DNAJC10: variants seen among roughly 807,000 people sequenced by gnomAD.
The protein encoded by DNAJC10 is DnaJ heat shock protein family (Hsp40) member C10, also known as endoplasmic reticulum disulfide reductase DNAJC10.
Under a neutral mutation model 115.0 loss-of-function variants are expected in DNAJC10, and 101 were observed. That is an observed-to-expected ratio of 0.88 (90% CI 0.75 to 1.04). The LOEUF (loss-of-function observed/expected upper bound fraction) is 1.04, where lower values mean the gene tolerates loss of function less well. Among genes scored for constraint, DNAJC10 ranks in the 50% least tolerant of loss-of-function variants. DNAJC10 has a pLI of 0.00. For missense variants in DNAJC10, 981 were observed against 928.8 expected (o/e 1.06, Z -0.73); for synonymous variants, 307 against 301.5 (o/e 1.02, Z -0.19).
chr2:182,782,086 ACATTT>A lies in DNAJC10; in HGVS notation c.*4955_*4959del, dbSNP rs1694860643. ...TAGGTTTTTTATGGTTTCAGACCTT[ACATTT>A]AAGTCTTTAATCTATCAACTTAATT... On this transcript the variant is annotated 3_prime_UTR_variant, in exon 24 of 24. Coordinates refer to ENST00000264065, the MANE Select transcript of DNAJC10 (RefSeq NM_018981.4). 6.6e-6 allele frequency: 1 copy of A among 152,198 alleles called. No individual in the cohort carries two copies. The highest frequency in any genetic ancestry group is 1.5e-5 in the Non-Finnish European group (1 of 68,046). The allele number at this position is 152,198 out of a possible 1,614,324, so 9.4% of individuals were successfully genotyped here.
chr2:182,716,636 C>G (rs1262440400), intron 1 of DNAJC10, among the ~76,000 whole-genome samples, 153 bp downstream of exon 1: 1 of 152,206 alleles, frequency 6.6e-6, no homozygotes, highest in Non-Finnish European at 1.5e-5. Flanking sequence ...CCTTCCTCCT[C>G]CCTGTTATTC....
intron 11 of DNAJC10, among the ~76,000 whole-genome samples, chr2:182,736,606 A>AT (rs1231262153): frequency 6.6e-6 from 1 of 152,318 alleles, no homozygotes; most frequent in East Asian, 1.9e-4. Context: ...ATTACATTTC[A>AT]TTTAAAGTCA....
intron 3 of DNAJC10, among the ~76,000 whole-genome samples, chr2:182,718,514 A>AT (rs1191681445): frequency 6.6e-6 from 1 of 152,194 alleles, no homozygotes; most frequent in African/African-American, 2.4e-5. Context: ...TTTGTAGACG[A>AT]TTTTCCAACA....
rs1338679785 is a variant in DNAJC10 at position 182,783,511 on chromosome 2, A to T, written c.*6379A>T. ...ACAATTTGTTGGCTTTAATGTATTTAGGAAAAATCATTTATTTACAAAACA... is the reference window on the plus strand; with the variant it reads ...ACAATTTGTTGGCTTTAATGTATTTTGGAAAAATCATTTATTTACAAAACA... On this transcript the variant is annotated 3_prime_UTR_variant, in exon 24 of 24. Transcript: ENST00000264065. 2 of 152,240 alleles carry T rather than the reference A, an allele frequency of 1.3e-5. No individual in the cohort carries two copies. Among genetic ancestry groups the T allele is most frequent in the Non-Finnish European group, 2.9e-5 (2 of 68,032 alleles). 9.4% of individuals were successfully genotyped at this position (152,240 alleles called of 1,614,324 possible).
chr2:182,758,907 T>C lies in DNAJC10; in HGVS notation c.1997+17T>C, dbSNP rs543737879. The C allele has an allele frequency of 2.0e-6, 3 of 1,533,678 alleles. No individual in the cohort carries two copies. The highest frequency in any genetic ancestry group is 2.7e-5 in the African/African-American group (2 of 73,150). On this transcript the variant is annotated intron_variant, in intron 20 of 23. Coordinates refer to ENST00000264065, the MANE Select transcript of DNAJC10 (RefSeq NM_018981.4). ...GGGTCTAGGGTGAGTAATTAAAATA[T>C]ATATCATTGTATAAAATAGATTCAA...
At position 182,790,381 on chromosome 2, in the gene DNAJC10, A is replaced by G. The variant is rs1695027191; in HGVS notation, c.*13249A>G. On this transcript the variant is annotated 3_prime_UTR_variant, in exon 24 of 24. Coordinates refer to ENST00000264065, the MANE Select transcript of DNAJC10 (RefSeq NM_018981.4). ...GAAACTTGAGAAAACTGCAAATCTA[A>G]TACCTTGGTCTTACAGAACTGAACA... The G allele has an allele frequency of 6.6e-6, 1 of 152,222 alleles. No individual in the cohort carries two copies. The highest frequency in any genetic ancestry group is 2.1e-4 in the South Asian group (1 of 4,832). 9.4% of individuals were successfully genotyped at this position (152,222 alleles called of 1,614,324 possible).
chr2:182,774,647 C>A (rs977561005), intron 22 of DNAJC10, among the ~76,000 whole-genome samples: 1 of 152,240 alleles, frequency 6.6e-6, no homozygotes, highest in Non-Finnish European at 1.5e-5. Context: ...GGTGTGGGAC[C>A]CTCTGAGCCA....
At position 182,721,195 on chromosome 2, in the gene DNAJC10, A is replaced by C. The variant is rs534478854; in HGVS notation, c.368-830A>C. ...GTATTAGACTAAATGAAGTATTTTA[A>C]ATTTATATCTGGAGGATTTGCTTTT... On this transcript the variant is annotated intron_variant, in intron 4 of 23. Transcript: ENST00000264065. Among the ~76,000 whole-genome samples, 10 of 152,154 alleles carry C rather than the reference A, an allele frequency of 6.6e-5. No homozygotes were observed. In the South Asian group the frequency reaches 2.1e-3, roughly 32 times the overall value.
chr2:182,765,052 G>A lies in DNAJC10; in HGVS notation c.2265+2251G>A, dbSNP rs144634426. On this transcript the variant is annotated intron_variant, in intron 22 of 23. Coordinates refer to ENST00000264065, the MANE Select transcript of DNAJC10 (RefSeq NM_018981.4). The stretch of plus-strand genomic sequence containing the variant: ...GGCCTCACACTTATATCGCCAGTCC[G>A]TACTCAGACAGCATATAGGAAGATC... 6.5e-3 allele frequency among the ~76,000 whole-genome samples: 994 copies of A among 152,236 alleles called. 13 individuals carry two copies. The highest frequency in any genetic ancestry group is 0.023 in the African/African-American group (942 of 41,542).
At chr2:182,774,096 G>A (rs573627179) in intron 22 of DNAJC10, among the ~76,000 whole-genome samples, 3 of 152,190 alleles carry the variant, frequency 2.0e-5, no homozygotes, top group African/African-American at 7.2e-5. Context: ...CTCAGCTGCA[G>A]GTCTGTTGGA....
In DNAJC10 at chr2:182,788,845, G is replaced by A; in HGVS notation, c.*11713G>A. 2.2e-6 allele frequency: 1 copy of A among 455,676 alleles called. No homozygotes were observed. 28.2% of individuals were successfully genotyped at this position (455,676 alleles called of 1,614,324 possible). On this transcript the variant is annotated 3_prime_UTR_variant, in exon 24 of 24. Transcript: ENST00000264065. ...GTCTACGGATTTTTTGGGGAAGAGA[G>A]ATTTCACGTTAAAGGTCATTTTGTG...
At chr2:182,762,094 G>C (rs1694298965) in intron 21 of DNAJC10, among the ~76,000 whole-genome samples, 1 of 151,536 alleles carries the variant, frequency 6.6e-6, no homozygotes, top group Admixed American at 6.6e-5. Context: ...AAGCACAGAA[G>C]ACGACTAAAA....
chr2:182,720,325 G>A (rs1418914459), intron 4 of DNAJC10, among the ~76,000 whole-genome samples, 156 bp downstream of exon 4: 8 of 151,954 alleles, frequency 5.3e-5, no homozygotes, highest in African/African-American at 1.9e-4. Context: ...AATGTCAGTT[G>A]GTATACAGAG....
chr2:182,734,604 T>A (rs1244249242), intron 10 of DNAJC10, among the ~76,000 whole-genome samples: 1 of 151,842 alleles, frequency 6.6e-6, no homozygotes, highest in South Asian at 2.1e-4. Flanking sequence ...GTTAATCAGA[T>A]CCTCTAGATC....
At position 182,784,323 on chromosome 2, in the gene DNAJC10, A is replaced by G. The variant is rs1006798469; in HGVS notation, c.*7191A>G. On this transcript the variant is annotated 3_prime_UTR_variant, in exon 24 of 24. Transcript: ENST00000264065. Reference sequence around the variant, plus strand: ...TGGGTGACGGAGTAAGACCCTGTCTAAAAAAAAACAAAACAACAAAAAAAA... The same window carrying G: ...TGGGTGACGGAGTAAGACCCTGTCTGAAAAAAAACAAAACAACAAAAAAAA... 3 of 149,882 alleles carry G rather than the reference A, an allele frequency of 2.0e-5. 1 individual carries two copies. The allele number at this position is 149,882 out of a possible 1,614,324, so 9.3% of individuals were successfully genotyped here.
rs1331703974 is a variant in DNAJC10 at position 182,789,688 on chromosome 2, A to G, written c.*12556A>G. 1 of 152,224 alleles carries G rather than the reference A, an allele frequency of 6.6e-6. No homozygotes were observed. The highest frequency in any genetic ancestry group is 2.4e-5 in the African/African-American group (1 of 41,452). 9.4% of individuals were successfully genotyped at this position (152,224 alleles called of 1,614,324 possible). Reference sequence around the variant, plus strand: ...CCCTGCTTTCAGTTCTTTCAGCTATATACCTAGAAGTGTAAGTCTATATCA... The same window carrying G: ...CCCTGCTTTCAGTTCTTTCAGCTATGTACCTAGAAGTGTAAGTCTATATCA... On this transcript the variant is annotated 3_prime_UTR_variant, in exon 24 of 24. Coordinates refer to ENST00000264065, the MANE Select transcript of DNAJC10 (RefSeq NM_018981.4).
chr2:182,756,193 AT>A (rs1694150921), intron 17 of DNAJC10, 120 bp from the exon 18 acceptor site: 1 of 846,420 alleles, frequency 1.2e-6, no homozygotes. Flanking sequence ...AAAATTCAAA[AT>A]TCTCAATACT....
chr2:182,725,633 TAGAG>T (rs1386292197), intron 5 of DNAJC10, among the ~76,000 whole-genome samples: 1 of 152,068 alleles, frequency 6.6e-6, no homozygotes, highest in African/African-American at 2.4e-5. Context: ...TATGGAGGCT[TAGAG>T]AGATGAAGAA....
At chr2:182,738,753 G>A (rs1160812573) in intron 11 of DNAJC10, among the ~76,000 whole-genome samples, 15 of 152,142 alleles carry the variant, frequency 9.9e-5, no homozygotes, top group Non-Finnish European at 2.9e-5. Flanking sequence ...TGTTAGCCAG[G>A]ATGGTCTCGA....
Sources: gnomAD v4.1 joint callset for allele counts (sites outside exome capture counted in the v4.1 genomes callset) on GRCh38, gnomAD v4.1.1 for gene constraint, MANE v1.5 for transcripts, NCBI Gene and HGNC (gene_info 2026-07-23, HGNC 2026-07-21) for gene names.